Variants in GRM7 observed in about 807,000 individuals in gnomAD.
GRM7 encodes the protein metabotropic glutamate receptor 7.
A neutral mutation model predicts 84.5 loss-of-function variants in GRM7; 35 were observed. That is an observed-to-expected ratio of 0.41 (90% CI 0.32 to 0.55). The LOEUF (loss-of-function observed/expected upper bound fraction) is 0.55. Ranked by LOEUF, GRM7 falls within the 20% of genes least tolerant of loss-of-function variation. The probability of loss-of-function intolerance (pLI) is 0.19; values close to 1 mark genes in which losing one functional copy is unlikely to be tolerated. For missense variants in GRM7, 1,003 were observed against 1,194.6 expected (o/e 0.84, Z 2.36); for synonymous variants, 487 against 455.1 (o/e 1.07, Z -0.89).
chr3:7,696,109 T>C (rs1701005966), intron 9 of GRM7, among the ~76,000 whole-genome samples: 1 of 152,146 alleles, frequency 6.6e-6, no homozygotes, highest in South Asian at 2.1e-4. Context: ...AAGAACGTCC[T>C]TTACAGAAGA....
chr3:7,221,075 C>T (rs750480608), intron 2 of GRM7, among the ~76,000 whole-genome samples: 2 of 151,940 alleles, frequency 1.3e-5, no homozygotes, highest in Non-Finnish European at 2.9e-5. Context: ...ACAGCCTGGG[C>T]GACAGAGTAA....
intron 1 of GRM7, among the ~76,000 whole-genome samples, chr3:7,035,678 T>C (rs1038623554): frequency 1.3e-5 from 2 of 152,202 alleles, no homozygotes; most frequent in African/African-American, 2.4e-5. Flanking sequence ...GTCCCAGAGT[T>C]ACCTTCTCAG....
rs58338960 is a variant in GRM7, at chr3:7,454,090, A to ACTCTCTCTCTCTCT, written c.1375+1309_1375+1322dup. Reference sequence around the variant, plus strand: ...ACCATACATGAAAAGCTACACACACACTCTCTCTCTCTCTCTCTCTCTCTC... The same window carrying ACTCTCTCTCTCTCT: ...ACCATACATGAAAAGCTACACACACACTCTCTCTCTCTCTCTCTCTCTCTCTCTCTCTCTCTCTC... On this transcript the variant is annotated intron_variant, in intron 6 of 9. Transcript: ENST00000357716. Among the ~76,000 whole-genome samples the ACTCTCTCTCTCTCT allele has an allele frequency of 2.0e-3, 283 of 140,176 alleles. 1 individual carries two copies. The highest frequency in any genetic ancestry group is 6.8e-3 in the African/African-American group (246 of 35,914). The allele number at this position is 140,176 out of a possible 152,430, so 92.0% of individuals were successfully genotyped here. A position where few individuals can be genotyped will look rare whatever the true frequency, so the allele number is the denominator to read the frequency against.
chr3:7,482,700 G>A (rs1052515237), intron 7 of GRM7, among the ~76,000 whole-genome samples: 3 of 152,186 alleles, frequency 2.0e-5, no homozygotes, highest in Non-Finnish European at 4.4e-5. Context: ...CTGGAAGAAA[G>A]TTGATCTAGA....
chr3:7,252,666 T>TTTTTCTTTTC (rs796901496), intron 2 of GRM7, among the ~76,000 whole-genome samples: 3,906 of 142,796 alleles, frequency 0.027, 226 homozygotes, highest in African/African-American at 0.093. Flanking sequence ...CTTTTCTATT[T>TTTTTCTTTTC]TTTTCTTTTC....
chr3:7,418,077 A>G (rs1397725623), intron 5 of GRM7, among the ~76,000 whole-genome samples: 1 of 152,220 alleles, frequency 6.6e-6, no homozygotes, highest in Non-Finnish European at 1.5e-5. Flanking sequence ...GAATTCTTAT[A>G]GAAAATGACC....
chr3:7,464,786 C>T (rs1199512596), intron 7 of GRM7, among the ~76,000 whole-genome samples: 1 of 149,838 alleles, frequency 6.7e-6, no homozygotes, highest in East Asian at 2.0e-4. Context: ...CAAGATTGTG[C>T]CACTGCACTC....
At chr3:7,034,522 T>C (rs1250431082) in intron 1 of GRM7, among the ~76,000 whole-genome samples, 1 of 152,236 alleles carries the variant, frequency 6.6e-6, no homozygotes, top group Non-Finnish European at 1.5e-5. Flanking sequence ...TGTTTGTGTA[T>C]ATGTACATAC....
At chr3:7,479,316 C>G (rs1699042096) in intron 7 of GRM7, among the ~76,000 whole-genome samples, 1 of 151,938 alleles carries the variant, frequency 6.6e-6, no homozygotes, top group African/African-American at 2.4e-5. Flanking sequence ...ATCTACAACT[C>G]TCATGCCTCA....
intron 1 of GRM7, among the ~76,000 whole-genome samples, chr3:7,072,394 C>G (rs911124964): frequency 6.6e-6 from 1 of 152,090 alleles, no homozygotes; most frequent in Non-Finnish European, 1.5e-5. Flanking sequence ...CTAAAGTTCT[C>G]ACTTTGGCCA....
intron 7 of GRM7, among the ~76,000 whole-genome samples, chr3:7,490,311 A>G (rs924551556): frequency 1.3e-5 from 2 of 152,130 alleles, no homozygotes; most frequent in Non-Finnish European, 2.9e-5. Context: ...TATAGGCTTT[A>G]GGGCAAAATA....
chr3:7,229,757 A>ATTTTT (rs1302605868), intron 2 of GRM7, among the ~76,000 whole-genome samples: 3 of 26,876 alleles, frequency 1.1e-4, no homozygotes, highest in African/African-American at 4.3e-4. Context: ...ATATATATAT[A>ATTTTT]TATTTTTTTT....
At chr3:7,338,141 C>CACAT (rs1360042078) in intron 4 of GRM7, among the ~76,000 whole-genome samples, 3 of 149,634 alleles carry the variant, frequency 2.0e-5, no homozygotes, top group African/African-American at 7.4e-5. Flanking sequence ...CACACACACA[C>CACAT]ACCCCATGGA....
chr3:7,655,001 C>T (rs750161835), intron 8 of GRM7, among the ~76,000 whole-genome samples: 8 of 152,130 alleles, frequency 5.3e-5, no homozygotes, highest in Admixed American at 2.0e-4. Flanking sequence ...ACTCTCTTAA[C>T]GGTGTCCTCA....
At chr3:7,304,111 G>T (rs1700102235) in intron 3 of GRM7, among the ~76,000 whole-genome samples, 1 of 152,006 alleles carries the variant, frequency 6.6e-6, no homozygotes, top group African/African-American at 2.4e-5. Context: ...ACAAATAGCT[G>T]TTGTGACTAA....
intron 2 of GRM7, among the ~76,000 whole-genome samples, chr3:7,161,811 G>C (rs1331752866): frequency 6.6e-6 from 1 of 152,170 alleles, no homozygotes; most frequent in South Asian, 2.1e-4. Flanking sequence ...AGATGAACGG[G>C]AGTAAACAAA....
chr3:7,438,335 CTG>C (rs1315658474), intron 5 of GRM7, among the ~76,000 whole-genome samples: 2 of 152,040 alleles, frequency 1.3e-5, no homozygotes, highest in African/African-American at 4.8e-5. Flanking sequence ...ATCAGAATCT[CTG>C]TAATTTGGTC....
intron 1 of GRM7, among the ~76,000 whole-genome samples, chr3:6,973,910 C>A (rs759307649): frequency 1.3e-5 from 2 of 152,088 alleles, no homozygotes; most frequent in Non-Finnish European, 2.9e-5. Flanking sequence ...TTGAGCATAG[C>A]TGGCATTATC....
chr3:7,243,004 T>G (rs1697617834), intron 2 of GRM7, among the ~76,000 whole-genome samples: 1 of 152,090 alleles, frequency 6.6e-6, no homozygotes, highest in Admixed American at 6.6e-5. Flanking sequence ...AAAATGAAGT[T>G]CAGAAATATT....
Sources: gnomAD v4.1 joint callset for allele counts (sites outside exome capture counted in the v4.1 genomes callset) on GRCh38, gnomAD v4.1.1 for gene constraint, MANE v1.5 for transcripts, NCBI Gene and HGNC (gene_info 2026-07-23, HGNC 2026-07-21) for gene names.